RABGAP1L: variants seen among roughly 807,000 people sequenced by gnomAD.
The protein encoded by RABGAP1L is rab GTPase-activating protein 1-like.
Under a neutral mutation model 137.7 loss-of-function variants are expected in RABGAP1L, and 63 were observed. The ratio of observed to expected loss-of-function variants is 0.46; its 90% CI spans 0.37 to 0.56. RABGAP1L has a LOEUF of 0.56. Among genes scored for constraint, RABGAP1L ranks in the 20% least tolerant of loss-of-function variants. RABGAP1L has a pLI of 0.00. For missense variants in RABGAP1L, 1,095 were observed against 1,244.0 expected (o/e 0.88, Z 1.80); for synonymous variants, 431 against 433.7 (o/e 0.99, Z 0.08).
intron 13 of RABGAP1L, among the ~76,000 whole-genome samples, chr1:174,613,489 T>C (rs561622251): frequency 3.0e-4 from 46 of 152,286 alleles, no homozygotes; most frequent in African/African-American, 1.0e-3. Context: ...ATGTGGTCAA[T>C]TTTGGAATAG....
At chr1:174,188,469 T>C (rs2148326678) in intron 1 of RABGAP1L, among the ~76,000 whole-genome samples, 1 of 152,350 alleles carries the variant, frequency 6.6e-6, no homozygotes. Context: ...ATATAAATAA[T>C]GTGATACGAT....
intron 7 of RABGAP1L, among the ~76,000 whole-genome samples, chr1:174,270,944 A>G (rs896956128): frequency 6.6e-6 from 1 of 152,202 alleles, no homozygotes; most frequent in African/African-American, 2.4e-5. Context: ...TTTCTAAAAA[A>G]GAATTAAATC....
intron 13 of RABGAP1L, among the ~76,000 whole-genome samples, chr1:174,550,899 C>CACACAT (rs1666406330): frequency 1.9e-5 from 1 of 51,850 alleles, no homozygotes; most frequent in Non-Finnish European, 3.4e-5. Context: ...TATATATACA[C>CACACAT]ACACACATAT....
At position 174,982,825 on chromosome 1, in the gene RABGAP1L, C is replaced by A; in HGVS notation, c.2734-9C>A. The A allele has an allele frequency of 6.5e-7, 1 of 1,550,132 alleles. No individual in the cohort carries two copies. Among genetic ancestry groups the A allele is most frequent in the South Asian group, 1.2e-5 (1 of 84,012 alleles). On this transcript the variant is annotated splice_polypyrimidine_tract_variant and intron_variant, in intron 23 of 25. Coordinates refer to ENST00000681986, the MANE Select transcript of RABGAP1L (RefSeq NM_001366446.1). ...GTTTTCTAGTAAAAGACTCTTTTCTCATCCTTAGATCTGTTCGCAGTTGAG... is the reference window on the plus strand; with the variant it reads ...GTTTTCTAGTAAAAGACTCTTTTCTAATCCTTAGATCTGTTCGCAGTTGAG...
At chr1:174,195,704 CCT>C (rs1245922643) in intron 1 of RABGAP1L, among the ~76,000 whole-genome samples, 1 of 105,646 alleles carries the variant, frequency 9.5e-6, no homozygotes, top group African/African-American at 4.8e-5. Context: ...TTCCTTCTTT[CCT>C]TCTTTCTTTT....
At chr1:174,337,747 T>C (rs1681610836) in intron 11 of RABGAP1L, among the ~76,000 whole-genome samples, 1 of 152,180 alleles carries the variant, frequency 6.6e-6, no homozygotes. Flanking sequence ...GACCTCTCTT[T>C]AATTGCCATA....
chr1:174,283,423 A>T lies in RABGAP1L; in HGVS notation c.1323+4644A>T, dbSNP rs1044368374. ...CCCCATCTCTAAAAAATAATAATAAAAAAAAGAAAAATGCATTCCCAGATT... is the reference window on the plus strand; with the variant it reads ...CCCCATCTCTAAAAAATAATAATAATAAAAAGAAAAATGCATTCCCAGATT... On this transcript the variant is annotated intron_variant, in intron 10 of 25. Coordinates refer to ENST00000681986, the MANE Select transcript of RABGAP1L (RefSeq NM_001366446.1). Among the ~76,000 whole-genome samples, 9 of 152,144 alleles carry T rather than the reference A, an allele frequency of 5.9e-5. No individual in the cohort carries two copies. The East Asian group carries it at 7.7e-4, about 13-fold the overall frequency.
intron 18 of RABGAP1L, among the ~76,000 whole-genome samples, chr1:174,773,374 CAAAT>C (rs1421099789): frequency 6.6e-6 from 1 of 152,050 alleles, no homozygotes; most frequent in Non-Finnish European, 1.5e-5. Context: ...AAGTAATAAA[CAAAT>C]AAATAAATAA....
chr1:174,389,861 T>C (rs1687082212), intron 12 of RABGAP1L, among the ~76,000 whole-genome samples: 1 of 152,140 alleles, frequency 6.6e-6, no homozygotes, highest in Non-Finnish European at 1.5e-5. Context: ...AGATATTTGA[T>C]TTATGTATGA....
intron 13 of RABGAP1L, among the ~76,000 whole-genome samples, chr1:174,556,989 T>C (rs1432042362): frequency 6.6e-6 from 1 of 152,196 alleles, no homozygotes; most frequent in Non-Finnish European, 1.5e-5. Context: ...AAGGATCTTA[T>C]CTCATCTATA....
intron 15 of RABGAP1L, among the ~76,000 whole-genome samples, chr1:174,693,962 A>G (rs1235403694): frequency 6.6e-6 from 1 of 152,218 alleles, no homozygotes; most frequent in Non-Finnish European, 1.5e-5. Context: ...CTGCAGGTTC[A>G]ACCAATCGTG....
intron 19 of RABGAP1L, among the ~76,000 whole-genome samples, chr1:174,839,058 G>GTGTGTTC (rs1693108352): frequency 1.3e-5 from 1 of 74,958 alleles, no homozygotes; most frequent in Non-Finnish European, 3.2e-5. Context: ...TGTGTGTGTT[G>GTGTGTTC]GTAGGGGTGG....
intron 24 of RABGAP1L, among the ~76,000 whole-genome samples, chr1:174,984,762 A>G (rs1402472266): frequency 6.6e-6 from 1 of 152,130 alleles, no homozygotes; most frequent in Non-Finnish European, 1.5e-5. Context: ...AAAACAAACA[A>G]AAAAAGTGCT....
chr1:174,653,598 A>T (rs1179577996), intron 14 of RABGAP1L, among the ~76,000 whole-genome samples: 1 of 152,070 alleles, frequency 6.6e-6, no homozygotes, highest in Non-Finnish European at 1.5e-5. Flanking sequence ...CCCCGTACCC[A>T]CTGTCTAACC....
At chr1:174,572,169 A>G (rs16847206) in intron 13 of RABGAP1L, among the ~76,000 whole-genome samples, 2 of 152,178 alleles carry the variant, frequency 1.3e-5, no homozygotes, top group African/African-American at 2.4e-5. Flanking sequence ...GAAGTTTCAC[A>G]TGGACTACGG....
intron 18 of RABGAP1L, chr1:174,800,459 C>G (rs747184071): frequency 6.4e-7 from 1 of 1,550,966 alleles, no homozygotes; most frequent in South Asian, 1.2e-5. Context: ...GCTGGAACTT[C>G]TGGGGATGGG....
At position 174,544,469 on chromosome 1, in the gene RABGAP1L, A is replaced by G. The variant is rs191059529; in HGVS notation, c.1711-92906A>G. Reference sequence around the variant, plus strand: ...CATCAGGTCATTTAAGGTCTTGTCTATGCTCTTTATTCTAGTTAGCCATTC... The same window carrying G: ...CATCAGGTCATTTAAGGTCTTGTCTGTGCTCTTTATTCTAGTTAGCCATTC... On this transcript the variant is annotated intron_variant, in intron 13 of 25. Coordinates refer to ENST00000681986, the MANE Select transcript of RABGAP1L (RefSeq NM_001366446.1). Among the ~76,000 whole-genome samples, 245 of 152,130 alleles carry G rather than the reference A, an allele frequency of 1.6e-3. 1 individual carries two copies. The highest frequency in any genetic ancestry group is 5.6e-3 in the African/African-American group (232 of 41,508).
At chr1:174,291,085 A>G (rs532520232) in intron 10 of RABGAP1L, among the ~76,000 whole-genome samples, 1 of 152,226 alleles carries the variant, frequency 6.6e-6, no homozygotes, top group South Asian at 2.1e-4. Flanking sequence ...TGCTTTCTCT[A>G]TATATTATCA....
intron 13 of RABGAP1L, among the ~76,000 whole-genome samples, chr1:174,443,046 A>C (rs1654333073): frequency 1.3e-5 from 2 of 152,226 alleles, no homozygotes; most frequent in South Asian, 2.1e-4. Flanking sequence ...AAATGTAAGA[A>C]TTTCATTCTT....
Sources: gnomAD v4.1 joint callset for allele counts (sites outside exome capture counted in the v4.1 genomes callset) on GRCh38, gnomAD v4.1.1 for gene constraint, MANE v1.5 for transcripts, NCBI Gene and HGNC (gene_info 2026-07-23, HGNC 2026-07-21) for gene names.